MEX3D: variants seen among roughly 807,000 people sequenced by gnomAD.
MEX3D encodes the protein mex-3 RNA binding family member D.
MEX3D carries 4 observed loss-of-function variants against 6.3 expected under a neutral mutation model. That is an observed-to-expected ratio of 0.64 (90% CI 0.31 to 1.46). The LOEUF (loss-of-function observed/expected upper bound fraction) is 1.46, where lower values mean the gene tolerates loss of function less well. Ranked by LOEUF, MEX3D falls within the 40% of genes most tolerant of loss-of-function variation. The pLI is 0.07. For missense variants in MEX3D, 1,038 were observed against 994.4 expected, an observed-to-expected ratio of 1.04 and a Z score of -0.59; for synonymous variants, 626 against 494.1, an observed-to-expected ratio of 1.27 and a Z score of -3.54.
Position 1,556,250 on chromosome 19 carries a change from G to A in MEX3D, c.1269C>T (p.Pro423=), listed in dbSNP as rs1036614455. The change falls in exon 2 of 2, where the codon CCC becomes CCT. Residue 423 remains proline, a synonymous_variant. Transcript: ENST00000402693. This position sits in a 1 kb window ranked among gnomAD's most constrained non-coding sequence, Gnocchi z 7.5. The part of the protein sequence containing the change: ...PSVPDPGPAS[P]YSGSGNGGFA... ...AGCCCCCGTTGCCGGAGCCGCTGTA[G>A]GGGCTGGCGGGGCCTGGGTCCGGCA... 1.6e-5 allele frequency: 22 copies of A among 1,359,270 alleles called. No homozygotes were observed. In the African/African-American group the frequency reaches 3.1e-4, roughly 19 times the overall value. The allele number at this position is 1,359,270 out of a possible 1,614,324, so 84.2% of individuals were successfully genotyped here.
Position 1,556,634 on chromosome 19 carries a change from G to A in MEX3D, c.885C>T (p.Thr295=). The change falls in exon 2 of 2, where the codon ACC becomes ACT. Residue 295 remains threonine, a synonymous_variant. Coordinates refer to ENST00000402693, the MANE Select transcript of MEX3D (RefSeq NM_203304.4). This position sits in a 1 kb window ranked among gnomAD's most constrained non-coding sequence, Gnocchi z 7.5. ...GCGTCCGCTGCTGGATGCGCTTGAT[G>A]GTGGCGCCCTTGGGCCCCACCACCA... The part of the protein sequence containing the change: ...VGLVVGPKGA[T]IKRIQQRTHT... 6.2e-7 allele frequency: 1 copy of A among 1,610,626 alleles called. No individual in the cohort carries two copies. The highest frequency in any genetic ancestry group is 1.1e-5 in the South Asian group (1 of 91,040).
intron 1 of MEX3D, among the ~76,000 whole-genome samples, chr19:1,558,290 G>A (rs781495217): frequency 3.3e-5 from 5 of 150,984 alleles, no homozygotes; most frequent in Non-Finnish European, 5.9e-5. Flanking sequence ...ACCTGAGCCC[G>A]GGAGGTGGAG....
chr19:1,557,164 G>A (rs1006772985), intron 1 of MEX3D, among the ~76,000 whole-genome samples: 11 of 152,206 alleles, frequency 7.2e-5, no homozygotes, highest in African/African-American at 2.4e-4. Context: ...AAAGGTGTGC[G>A]CCATAATTTA....
chr19:1,568,200 C>A lies in MEX3D; in HGVS notation c.-142G>T, dbSNP rs1195674337. Reference sequence around the variant, plus strand: ...GGCACGGGGGGCCGGGCGGGCGGGGCGGCGGCGGCGCGGGGCTGCTCGGGG... The same window carrying A: ...GGCACGGGGGGCCGGGCGGGCGGGGAGGCGGCGGCGCGGGGCTGCTCGGGG... On this transcript the variant is annotated 5_prime_UTR_variant, in exon 1 of 2. Transcript: ENST00000402693. 79 of 443,272 alleles carry A rather than the reference C, an allele frequency of 1.8e-4. No individual in the cohort carries two copies. The highest frequency in any genetic ancestry group is 2.2e-4 in the Non-Finnish European group (76 of 344,878). The allele number at this position is 443,272 out of a possible 1,614,324, so 27.5% of individuals were successfully genotyped here. A position where few individuals can be genotyped will look rare whatever the true frequency, so the allele number is the denominator to read the frequency against.
intron 1 of MEX3D, among the ~76,000 whole-genome samples, chr19:1,560,219 G>A (rs1022387566): frequency 1.3e-5 from 2 of 152,242 alleles, no homozygotes; most frequent in Non-Finnish European, 2.9e-5. Context: ...TTGGCTCCTG[G>A]CAGCCACCCT....
rs1246802242 is a variant in MEX3D at position 1,567,769 on chromosome 19, G to T, written c.290C>A (p.Ala97Glu). The change falls in exon 1 of 2, where the codon GCG (alanine) becomes GAG (glutamate). Residue 97 changes from alanine to glutamate, a missense_variant. Transcript: ENST00000402693. This position sits in a 1 kb window ranked among gnomAD's most constrained non-coding sequence, Gnocchi z 6.5. ...AAAAGGADGG[A>E]APEPVPPDGP... ...GTCGGGGGGCACAGGCTCCGGAGCCGCCCCGCCGTCCGCGCCCCCCGCCGC... is the reference window on the plus strand; with the variant it reads ...GTCGGGGGGCACAGGCTCCGGAGCCTCCCCGCCGTCCGCGCCCCCCGCCGC... The T allele has an allele frequency of 2.1e-6, 2 of 944,326 alleles. No homozygotes were observed. The highest frequency in any genetic ancestry group is 2.5e-6 in the Non-Finnish European group (2 of 793,776). The allele number at this position is 944,326 out of a possible 1,614,324, so 58.5% of individuals were successfully genotyped here.
Position 1,567,409 on chromosome 19 carries a change from G to C in MEX3D, c.595+55C>G. The stretch of plus-strand genomic sequence containing the variant: ...CTGGGCTCGGGCGACCCCCTTCCCC[G>C]GGGCGGACGGTGCGGGGACCCCCAG... On this transcript the variant is annotated intron_variant, in intron 1 of 1. Transcript: ENST00000402693. This position sits in a 1 kb window ranked among gnomAD's most constrained non-coding sequence, Gnocchi z 6.5. The C allele has an allele frequency of 6.7e-7, 1 of 1,495,680 alleles. No homozygotes were observed. The highest frequency in any genetic ancestry group is 1.3e-5 in the South Asian group (1 of 79,144). 92.7% of individuals were successfully genotyped at this position (1,495,680 alleles called of 1,614,324 possible).
Position 1,567,602 on chromosome 19 carries a change from G to T in MEX3D, c.457C>A (p.His153Asn). The part of the protein sequence containing the change: ...PPDVFAGFAP[H>N]PAALGPPTLL... The stretch of plus-strand genomic sequence containing the variant: ...GTCGGGGGCCCCAGGGCCGCGGGGT[G>T]GGGCGCGAAGCCCGCGAACACGTCG... The change falls in exon 1 of 2, where the codon CAC (histidine) becomes AAC (asparagine). Residue 153 changes from histidine to asparagine, a missense_variant. His to Asn is a moderately conservative substitution (Grantham distance 68). Coordinates refer to ENST00000402693, the MANE Select transcript of MEX3D (RefSeq NM_203304.4). The surrounding 1 kb of genome is among the most constrained non-coding windows in gnomAD (Gnocchi z 6.5). The T allele has an allele frequency of 1.4e-6, 2 of 1,432,168 alleles. No individual in the cohort carries two copies. Among genetic ancestry groups the T allele is most frequent in the Non-Finnish European group, 1.8e-6 (2 of 1,089,030 alleles). 88.7% of individuals were successfully genotyped at this position (1,432,168 alleles called of 1,614,324 possible). A position where few individuals can be genotyped will look rare whatever the true frequency, so the allele number is the denominator to read the frequency against.
At chr19:1,564,191 GCAGGT>G (rs1028049150) in intron 1 of MEX3D, among the ~76,000 whole-genome samples, 5 of 152,096 alleles carry the variant, frequency 3.3e-5, no homozygotes, top group Non-Finnish European at 5.9e-5. Context: ...GTGAGATGGG[GCAGGT>G]CAAGTCTGGC....
chr19:1,557,022 A>G, intron 1 of MEX3D, 99 bp from the exon 2 acceptor site: 1 of 1,392,274 alleles, frequency 7.2e-7, no homozygotes, highest in Non-Finnish European at 9.6e-7. Context: ...GGGAGCCCCT[A>G]CCTCCCAGCC....
chr19:1,557,285 G>A (rs1175634317), intron 1 of MEX3D, among the ~76,000 whole-genome samples: 6 of 152,128 alleles, frequency 3.9e-5, no homozygotes, highest in Admixed American at 3.9e-4. Context: ...CGTAGGGTCG[G>A]CTGGGCCCGT....
rs1363716276 is a variant in MEX3D, at chr19:1,556,421, G to C, written c.1098C>G (p.Leu366=). ...TGGCCCAGAGGCTGGCGGCCGCCCC[G>C]AGCAGGTCCAGGCAGACGTCGGTGC... is the stretch of plus-strand genomic sequence containing the variant. ...ANGTDVCLDL[L]GAAASLWAKT... The change falls in exon 2 of 2, where the codon CTC becomes CTG. Residue 366 remains leucine (L), a synonymous_variant. Transcript: ENST00000402693. This position sits in a 1 kb window ranked among gnomAD's most constrained non-coding sequence, Gnocchi z 7.5. 19 of 1,588,164 alleles carry C rather than the reference G, an allele frequency of 1.2e-5. No homozygotes were observed. The Middle Eastern group carries it at 1.8e-3, about 154-fold the overall frequency.
intron 1 of MEX3D, among the ~76,000 whole-genome samples, chr19:1,560,833 C>T (rs10420421): frequency 3.7e-4 from 57 of 152,290 alleles, no homozygotes; most frequent in Middle Eastern, 3.4e-3. Context: ...CACGTGCTGG[C>T]CCCCAAAACT....
chr19:1,557,582 G>A (rs918462474), intron 1 of MEX3D, among the ~76,000 whole-genome samples: 8 of 144,942 alleles, frequency 5.5e-5, no homozygotes, highest in African/African-American at 7.7e-5. Flanking sequence ...AAAAAAAAGC[G>A]GGGTGCAGTG....
rs1914903795 is a variant in MEX3D, at chr19:1,568,115, G to GCGCCGCCCT, written c.-66_-58dup. The stretch of plus-strand genomic sequence containing the variant: ...GCCGCCCGCGCCGCCGCCGCCGCCC[G>GCGCCGCCCT]CGCCGCCCTCCGCCTCTGCGAGCTG... On this transcript the variant is annotated 5_prime_UTR_variant, in exon 1 of 2. Transcript: ENST00000402693. 1 of 975,694 alleles carries GCGCCGCCCT rather than the reference G, an allele frequency of 1.0e-6. No individual in the cohort carries two copies. The highest frequency in any genetic ancestry group is 1.2e-6 in the Non-Finnish European group (1 of 827,090). The allele number at this position is 975,694 out of a possible 1,614,324, so 60.4% of individuals were successfully genotyped here.
In MEX3D at chr19:1,556,655, C is replaced by T. The variant is rs774919782; in HGVS notation, c.864G>A (p.Val288=). The T allele has an allele frequency of 1.6e-5, 26 of 1,610,556 alleles. 1 individual carries two copies. Among genetic ancestry groups the T allele is most frequent in the Admixed American group, 1.5e-4 (9 of 59,916 alleles). ...TGATGGTGGCGCCCTTGGGCCCCAC[C>T]ACCAGCCCCACCACCCGGTAGGGCA... is the stretch of plus-strand genomic sequence containing the variant. ...VRVPYRVVGL[V]VGPKGATIKR... The change falls in exon 2 of 2, where the codon GTG becomes GTA. Residue 288 remains valine (V), a synonymous_variant. Transcript: ENST00000402693. This position sits in a 1 kb window ranked among gnomAD's most constrained non-coding sequence, Gnocchi z 7.5.
intron 1 of MEX3D, among the ~76,000 whole-genome samples, chr19:1,560,440 G>C (rs1050767088): frequency 6.6e-6 from 1 of 152,252 alleles, no homozygotes; most frequent in African/African-American, 2.4e-5. Flanking sequence ...AGCGTTGCCA[G>C]GGTGCAGCAT....
At position 1,568,021 on chromosome 19, in the gene MEX3D, C is replaced by T. The variant is rs1914899520; in HGVS notation, c.38G>A (p.Gly13Asp). 1.0e-6 allele frequency: 1 copy of T among 979,248 alleles called. No individual in the cohort carries two copies. Among genetic ancestry groups the T allele is most frequent in the Non-Finnish European group, 1.2e-6 (1 of 827,922 alleles). 60.7% of individuals were successfully genotyped at this position (979,248 alleles called of 1,614,324 possible). A position where few individuals can be genotyped will look rare whatever the true frequency, so the allele number is the denominator to read the frequency against. ...CACGCCGCCGCCGCCGCCGCCCCCGCCCCCGCCGCCGTCGGGCTGGCCGAG... is the reference window on the plus strand; with the variant it reads ...CACGCCGCCGCCGCCGCCGCCCCCGTCCCCGCCGCCGTCGGGCTGGCCGAG... ...SSLGQPDGGG[G>D]GGGGGGGVGA... Residue 13 changes from glycine to aspartate, a missense_variant, in exon 1 of 2, where the codon GGC becomes GAC. Transcript: ENST00000402693.
intron 1 of MEX3D, among the ~76,000 whole-genome samples, chr19:1,559,760 A>G (rs192890399): frequency 6.6e-6 from 1 of 152,340 alleles, no homozygotes; most frequent in East Asian, 1.9e-4. Flanking sequence ...TGCCTGGGCC[A>G]GGAAGATGGA....
Sources: gnomAD v4.1 joint callset for allele counts (sites outside exome capture counted in the v4.1 genomes callset) on GRCh38, gnomAD v4.1.1 for gene constraint, Gnocchi (gnomAD v3.1) non-coding constraint, MANE v1.5 for transcripts, NCBI Gene and HGNC (gene_info 2026-07-23, HGNC 2026-07-21) for gene names.